Variants in GALNTL6 observed in about 807,000 individuals in gnomAD.
The protein encoded by GALNTL6 is polypeptide N-acetylgalactosaminyltransferase-like 6.
GALNTL6 carries 46 observed loss-of-function variants against 73.7 expected under a neutral mutation model. The ratio of observed to expected loss-of-function variants is 0.62; its 90% confidence interval spans 0.49 to 0.80. GALNTL6 has a LOEUF of 0.80. Ranked by LOEUF, GALNTL6 falls within the 30% of genes least tolerant of loss-of-function variation. The pLI is 0.00. For missense variants in GALNTL6, 604 were observed against 755.0 expected (o/e 0.80, Z 2.34); for synonymous variants, 259 against 263.7 (o/e 0.98, Z 0.17).
At chr4:172,045,726 C>T (rs1267785950) in intron 2 of GALNTL6, among the ~76,000 whole-genome samples, 3 of 149,514 alleles carry the variant, frequency 2.0e-5, no homozygotes, top group Non-Finnish European at 3.0e-5. Context: ...TGGAAATTCA[C>T]ATTAAAGTTT....
chr4:172,707,301 A>C (rs1717470653), intron 5 of GALNTL6, among the ~76,000 whole-genome samples: 2 of 152,310 alleles, frequency 1.3e-5, no homozygotes, highest in East Asian at 1.9e-4. Flanking sequence ...GATTCTGCCA[A>C]GTAGGCATGT....
At position 172,389,783 on chromosome 4, in the gene GALNTL6, T is replaced by C. The variant is rs188318270; in HGVS notation, c.553+41094T>C. Among the ~76,000 whole-genome samples, 255 of 152,268 alleles carry C rather than the reference T, an allele frequency of 1.7e-3. 2 individuals carry two copies. Among genetic ancestry groups the C allele is most frequent in the Non-Finnish European group, 1.3e-3 (86 of 67,974 alleles). On this transcript the variant is annotated intron_variant, in intron 5 of 12. Coordinates refer to ENST00000506823, the MANE Select transcript of GALNTL6 (RefSeq NM_001034845.3). ...GATGGTGGATACATAGCTTTTTATA[T>C]GCTTAATATTTTCTTACTGTAATAT...
At chr4:172,928,835 GA>G (rs1181330182) in intron 8 of GALNTL6, among the ~76,000 whole-genome samples, 1 of 152,158 alleles carries the variant, frequency 6.6e-6, no homozygotes, top group Non-Finnish European at 1.5e-5. Context: ...CCCTTAGAAG[GA>G]AATATAAAGC....
At chr4:173,014,381 G>A (rs1280744252) in intron 11 of GALNTL6, among the ~76,000 whole-genome samples, 1 of 152,182 alleles carries the variant, frequency 6.6e-6, no homozygotes, top group Non-Finnish European at 1.5e-5. Flanking sequence ...AACCCCCTTG[G>A]TCTAGTTTGG....
At chr4:172,449,488 C>G (rs934031500) in intron 5 of GALNTL6, among the ~76,000 whole-genome samples, 19 of 152,126 alleles carry the variant, frequency 1.2e-4, no homozygotes, top group Admixed American at 1.1e-3. Context: ...TATATCTTGC[C>G]AAAGTCAATG....
intron 5 of GALNTL6, among the ~76,000 whole-genome samples, chr4:172,422,983 A>G (rs906877625): frequency 4.6e-5 from 7 of 151,542 alleles, no homozygotes; most frequent in Non-Finnish European, 8.8e-5. Flanking sequence ...TCTGCAAATG[A>G]AGAATACCAA....
intron 5 of GALNTL6, among the ~76,000 whole-genome samples, chr4:172,589,167 T>C (rs1038171863): frequency 6.6e-6 from 1 of 152,130 alleles, no homozygotes; most frequent in Non-Finnish European, 1.5e-5. Context: ...TATTTAGGGA[T>C]ATAATGTATA....
Position 172,960,045 on chromosome 4 carries a change from G to A in GALNTL6, c.1371+7787G>A, listed in dbSNP as rs1749961273. Among the ~76,000 whole-genome samples, 3 of 152,124 alleles carry A rather than the reference G, an allele frequency of 2.0e-5. No homozygotes were observed. In the South Asian group the frequency reaches 6.2e-4, roughly 32 times the overall value. On this transcript the variant is annotated intron_variant, in intron 10 of 12. Transcript: ENST00000506823. ...ATTAAGTCCTGTTGTGGGGTTTGAG[G>A]GCCAGAATTTAATTTTTGGAGTTTT...
chr4:172,512,626 G>A (rs888277376), intron 5 of GALNTL6, among the ~76,000 whole-genome samples: 5 of 152,078 alleles, frequency 3.3e-5, no homozygotes, highest in African/African-American at 7.2e-5. Context: ...AGTTCTTGTA[G>A]TGCTGGCTTG....
At position 171,859,958 on chromosome 4, in the gene GALNTL6, A is replaced by G. The variant is rs79237667; in HGVS notation, c.138+45240A>G. Among the ~76,000 whole-genome samples the G allele has an allele frequency of 6.1e-3, 922 of 152,332 alleles. 18 individuals are homozygous for G. The highest frequency in any genetic ancestry group is 0.042 in the East Asian group (217 of 5,180). On this transcript the variant is annotated intron_variant, in intron 2 of 12. Coordinates refer to ENST00000506823, the MANE Select transcript of GALNTL6 (RefSeq NM_001034845.3). ...ACATATAGAAACACTCTTTTCAGGAATTATATTCCCAGGGCTCTGAGGTTA... is the reference window on the plus strand; with the variant it reads ...ACATATAGAAACACTCTTTTCAGGAGTTATATTCCCAGGGCTCTGAGGTTA...
At chr4:171,947,560 C>T (rs1294135363) in intron 2 of GALNTL6, among the ~76,000 whole-genome samples, 1 of 152,146 alleles carries the variant, frequency 6.6e-6, no homozygotes, top group African/African-American at 2.4e-5. Context: ...CAGGAAACAA[C>T]ACACAAAGAG....
intron 7 of GALNTL6, among the ~76,000 whole-genome samples, chr4:172,830,933 G>T (rs2111053230): frequency 6.6e-6 from 1 of 152,208 alleles, no homozygotes; most frequent in South Asian, 2.1e-4. Context: ...GCTGAGGCAG[G>T]TAGATCACTT....
chr4:172,826,008 G>A (rs892933588), intron 7 of GALNTL6, among the ~76,000 whole-genome samples: 2 of 152,162 alleles, frequency 1.3e-5, no homozygotes, highest in Non-Finnish European at 2.9e-5. Flanking sequence ...GAGCAGGTTT[G>A]AAACATACAG....
chr4:172,283,702 A>T (rs781017419), intron 3 of GALNTL6, among the ~76,000 whole-genome samples: 15 of 152,140 alleles, frequency 9.9e-5, no homozygotes, highest in Non-Finnish European at 2.2e-4. Flanking sequence ...GGACAGACTG[A>T]ATATAATGCC....
At chr4:172,042,445 T>C (rs1742110085) in intron 2 of GALNTL6, among the ~76,000 whole-genome samples, 1 of 152,044 alleles carries the variant, frequency 6.6e-6, no homozygotes, top group Admixed American at 6.6e-5. Flanking sequence ...GACATAATCA[T>C]ATATCCAATT....
chr4:172,838,124 AGGGAAGT>A (rs1379095054), intron 7 of GALNTL6, among the ~76,000 whole-genome samples: 1 of 150,702 alleles, frequency 6.6e-6, no homozygotes, highest in Non-Finnish European at 1.5e-5. Context: ...ATCTAAGGTG[AGGGAAGT>A]GGGGGCAGTT....
chr4:172,374,794 C>A (rs751459926), intron 5 of GALNTL6, among the ~76,000 whole-genome samples: 3 of 152,216 alleles, frequency 2.0e-5, no homozygotes, highest in African/African-American at 4.8e-5. Context: ...AAGCTGCATT[C>A]TTTTCATTAG....
chr4:172,988,697 CCTG>C (rs1751404611), intron 10 of GALNTL6, among the ~76,000 whole-genome samples: 1 of 152,230 alleles, frequency 6.6e-6, no homozygotes, highest in Non-Finnish European at 1.5e-5. Flanking sequence ...GGCCCAGGAC[CCTG>C]CTGCCTTGTG....
chr4:173,021,471 G>C lies in GALNTL6; in HGVS notation c.1489-5G>C, dbSNP rs199873501. ...GCAGCTTTTCTGCTACTGTTGCTTT[G>C]CTAGCTTTTTACCTTTGGATGGAGA... On this transcript the variant is annotated splice_polypyrimidine_tract_variant and splice_region_variant and intron_variant, in intron 11 of 12. Coordinates refer to ENST00000506823, the MANE Select transcript of GALNTL6 (RefSeq NM_001034845.3). The C allele has an allele frequency of 6.2e-7, 1 of 1,613,920 alleles. No homozygotes were observed. Among genetic ancestry groups the C allele is most frequent in the Non-Finnish European group, 8.5e-7 (1 of 1,179,898 alleles).
Sources: allele counts gnomAD v4.1 joint callset (sites outside exome capture counted in the v4.1 genomes callset), GRCh38; gene constraint gnomAD v4.1.1; transcripts MANE v1.5; gene names NCBI Gene and HGNC (gene_info 2026-07-23, HGNC 2026-07-21).